The following TDRD1 variants were observed in gnomAD, a reference collection of about 807,000 sequenced individuals.
TDRD1 encodes tudor domain-containing protein 1.
Under a neutral mutation model 140.6 loss-of-function variants are expected in TDRD1, and 37 were observed. The ratio of observed to expected loss-of-function variants is 0.26; its 90% CI spans 0.20 to 0.35. The LOEUF is 0.35. Ranked by LOEUF, TDRD1 falls within the 10% of genes least tolerant of loss-of-function variation. The pLI is 1.00. For synonymous variants in TDRD1, 506 were observed against 475.7 expected (o/e 1.06, Z -0.83); for missense variants, 1,243 against 1,393.0 (o/e 0.89, Z 1.71).
chr10:114,229,892 G>A (rs1056295114), intron 25 of TDRD1, among the ~76,000 whole-genome samples: 5 of 150,338 alleles, frequency 3.3e-5, no homozygotes, highest in African/African-American at 7.4e-5. Context: ...GTGCAGTGGC[G>A]CTATCTCAGC....
At chr10:114,204,986 A>T in intron 10 of TDRD1, 93 bp downstream of exon 10, 2 of 1,143,974 alleles carry the variant, frequency 1.7e-6, no homozygotes, top group Non-Finnish European at 2.4e-6. Flanking sequence ...GAGGCCAGGT[A>T]AACTGCCCTC....
chr10:114,199,306 G>T, exon 4 of TDRD1: 1 of 1,606,558 alleles, frequency 6.2e-7, no homozygotes, highest in Non-Finnish European at 8.5e-7. Context: ...TGCCATCGCT[G>T]TGGCCTATTT....
intron 2 of TDRD1, among the ~76,000 whole-genome samples, chr10:114,188,408 T>G (rs1439311688): frequency 6.6e-6 from 1 of 152,178 alleles, no homozygotes; most frequent in African/African-American, 2.4e-5. Context: ...ACTAGGAATG[T>G]AGAAAGGAAA....
At chr10:114,222,532 G>A in intron 20 of TDRD1, 55 bp from the exon 21 acceptor site, 1 of 1,035,118 alleles carries the variant, frequency 9.7e-7, no homozygotes, top group East Asian at 2.4e-5. Flanking sequence ...TTTGTATAGT[G>A]TTAATAGTAG....
chr10:114,213,148 C>T (rs979472355), intron 14 of TDRD1, among the ~76,000 whole-genome samples, 198 bp from the exon 15 acceptor site: 1 of 152,090 alleles, frequency 6.6e-6, no homozygotes, highest in Non-Finnish European at 1.5e-5. Context: ...GGCCTCCCGG[C>T]GTGCTGGAAT....
At chr10:114,213,488 G>A (rs772205968) in exon 15 of TDRD1, 25 of 1,613,818 alleles carry the variant, frequency 1.5e-5, no homozygotes, top group African/African-American at 5.3e-5. Flanking sequence ...AATCCGAGAC[G>A]CCTCATGTCA....
chr10:114,214,261 CTTAG>C (rs2035669153), intron 16 of TDRD1, 147 bp downstream of exon 16: 2 of 657,512 alleles, frequency 3.0e-6, no homozygotes, highest in African/African-American at 3.6e-5. Context: ...TTTGGTTATA[CTTAG>C]TTAGCTTTTA....
intron 20 of TDRD1, 44 bp from the exon 21 acceptor site, chr10:114,222,543 C>A (rs1231451251): frequency 1.7e-6 from 2 of 1,160,558 alleles, no homozygotes; most frequent in Non-Finnish European, 2.6e-6. Flanking sequence ...TTAATAGTAG[C>A]ACTGGAAATT....
In TDRD1 at chr10:114,206,995, G is replaced by A. The variant is rs922507530; in HGVS notation, c.1384+665G>A. 7.2e-5 allele frequency among the ~76,000 whole-genome samples: 11 copies of A among 152,170 alleles called. 1 individual carries two copies. The highest frequency in any genetic ancestry group is 1.3e-4 in the Non-Finnish European group (9 of 68,034). ...TATTCCACCAGTAATTAATAGGGCT[G>A]CAAAATTCTGTTCCAGTAGGACAGT... On this transcript the variant is annotated intron_variant, in intron 11 of 25. Coordinates refer to ENST00000251864, the Ensembl canonical transcript of TDRD1.
At chr10:114,202,264 C>T (rs1281584619) in exon 6 of TDRD1, 1 of 1,602,238 alleles carries the variant, frequency 6.2e-7, no homozygotes, top group Admixed American at 1.7e-5. Flanking sequence ...AATAAATCAT[C>T]TATTGAAACA....
At chr10:114,218,699 T>G (rs1162152817) in intron 18 of TDRD1, 115 bp downstream of exon 18, 45 of 749,060 alleles carry the variant, frequency 6.0e-5, no homozygotes, top group Non-Finnish European at 8.7e-5. Flanking sequence ...TGCTTCATAT[T>G]ATAAAACTTA....
intron 4 of TDRD1, among the ~76,000 whole-genome samples, chr10:114,200,570 GT>G (rs1210086560): frequency 5.9e-5 from 9 of 152,166 alleles, no homozygotes; most frequent in Non-Finnish European, 1.2e-4. Context: ...CTACAAGAAA[GT>G]TTTGTTTACT....
At chr10:114,224,421 C>T (rs1275336890) in intron 21 of TDRD1, among the ~76,000 whole-genome samples, 1 of 152,152 alleles carries the variant, frequency 6.6e-6, no homozygotes, top group Non-Finnish European at 1.5e-5. Context: ...TTGCTGGGCA[C>T]TCAGTGGGTG....
Position 114,229,993 on chromosome 10 carries a change from G to A in TDRD1, c.3539-1493G>A, listed in dbSNP as rs2036667322. Among the ~76,000 whole-genome samples the A allele has an allele frequency of 3.3e-5, 5 of 152,056 alleles. No individual in the cohort carries two copies. The South Asian group carries it at 1.0e-3, about 32-fold the overall frequency. ...CTATAGGTGCCCGCCACCACACCCAGCTAATCTTTTTGTATTTTTAGTAGA... is the reference window on the plus strand; with the variant it reads ...CTATAGGTGCCCGCCACCACACCCAACTAATCTTTTTGTATTTTTAGTAGA... On this transcript the variant is annotated intron_variant, in intron 25 of 25. Transcript: ENST00000251864.
At chr10:114,193,061 C>A (rs546179288) in intron 3 of TDRD1, among the ~76,000 whole-genome samples, 3 of 152,228 alleles carry the variant, frequency 2.0e-5, no homozygotes, top group South Asian at 2.1e-4. Context: ...TTGAATCTTC[C>A]AATCTATGAA....
chr10:114,210,824 A>G, intron 12 of TDRD1, 36 bp from the exon 13 acceptor site: 4 of 1,612,484 alleles, frequency 2.5e-6, no homozygotes, highest in Non-Finnish European at 3.4e-6. Context: ...TAATGTATAG[A>G]TACGTATTTC....
intron 3 of TDRD1, among the ~76,000 whole-genome samples, chr10:114,193,615 C>G (rs1175598884): frequency 6.6e-6 from 1 of 152,098 alleles, no homozygotes; most frequent in South Asian, 2.1e-4. Context: ...TTTTAAGATC[C>G]CTTGCAGTTT....
intron 4 of TDRD1, among the ~76,000 whole-genome samples, chr10:114,201,042 CA>C (rs1191760159): frequency 1.3e-5 from 2 of 148,846 alleles, no homozygotes; most frequent in African/African-American, 5.0e-5. Flanking sequence ...TTACTAGAGA[CA>C]AGGTTTCAAA....
chr10:114,182,228 C>T (rs1437859481), intron 1 of TDRD1, among the ~76,000 whole-genome samples: 1 of 152,146 alleles, frequency 6.6e-6, no homozygotes, highest in Non-Finnish European at 1.5e-5. Context: ...GCAGCAACAG[C>T]TGGGAAGGGG....
Sources: allele counts gnomAD v4.1 joint callset (sites outside exome capture counted in the v4.1 genomes callset), GRCh38; gene constraint gnomAD v4.1.1; transcripts MANE v1.5; gene names NCBI Gene and HGNC (gene_info 2026-07-23, HGNC 2026-07-21).